The following ENPEP variants were observed in gnomAD, a reference collection of about 807,000 sequenced individuals.
ENPEP encodes the protein AP-A.
Under a neutral mutation model 114.5 loss-of-function variants are expected in ENPEP, and 103 were observed. The ratio of observed to expected loss-of-function variants is 0.90; its 90% CI spans 0.77 to 1.06. ENPEP has a LOEUF of 1.06. Among genes scored for constraint, ENPEP ranks in the 50% least tolerant of loss-of-function variants. The probability of loss-of-function intolerance (pLI) is 0.00; values close to 1 mark genes in which losing one functional copy is unlikely to be tolerated. For missense variants in ENPEP, 1,196 were observed against 1,161.3 expected (o/e 1.03, Z -0.43); for synonymous variants, 420 against 422.0 (o/e 1.00, Z 0.06).
Position 110,488,742 on chromosome 4 carries a change from T to C in ENPEP, c.786+60T>C, listed in dbSNP as rs1578391551. The C allele has an allele frequency of 7.8e-6, 12 of 1,537,028 alleles. No homozygotes were observed. The East Asian group carries it at 2.7e-4, about 35-fold the overall frequency. ...AGTCTGTTGACAACATTAGGCCAGT[T>C]ACCTGATTTTCTGTGAAAGAGAACC... is the stretch of plus-strand genomic sequence containing the variant. On this transcript the variant is annotated intron_variant, in intron 2 of 19. Coordinates refer to ENST00000265162, the MANE Select transcript of ENPEP (RefSeq NM_001977.4).
intron 12 of ENPEP, 37 bp from the exon 13 acceptor site, chr4:110,542,978 G>A: frequency 6.2e-7 from 1 of 1,611,722 alleles, no homozygotes; most frequent in Non-Finnish European, 8.5e-7. Context: ...TTTGCCTTAA[G>A]AATTGTGTTT....
At chr4:110,497,600 T>C (rs1013944352) in intron 3 of ENPEP, among the ~76,000 whole-genome samples, 8 of 152,194 alleles carry the variant, frequency 5.3e-5, no homozygotes, top group African/African-American at 1.9e-4. Flanking sequence ...AATAAATGCT[T>C]TGTGTAACCT....
Position 110,561,658 on chromosome 4 carries a change from CA to C in ENPEP, c.*101del. On this transcript the variant is annotated 3_prime_UTR_variant, in exon 20 of 20. Coordinates refer to ENST00000265162, the MANE Select transcript of ENPEP (RefSeq NM_001977.4). ...AGCACGATGGAGAGAGCCTTATAAA[CA>C]GATAATGCTTTTACTAAGCACTGTG... The C allele has an allele frequency of 8.9e-7, 1 of 1,127,482 alleles. No individual in the cohort carries two copies. Among genetic ancestry groups the C allele is most frequent in the Non-Finnish European group, 1.3e-6 (1 of 797,502 alleles). 69.8% of individuals were successfully genotyped at this position (1,127,482 alleles called of 1,614,324 possible). A position where few individuals can be genotyped will look rare whatever the true frequency, so the allele number is the denominator to read the frequency against.
Position 110,476,599 on chromosome 4 carries a change from C to G in ENPEP, c.185C>G (p.Ser62Cys), listed in dbSNP as rs751822408. 2 of 1,614,182 alleles carry G rather than the reference C, an allele frequency of 1.2e-6. No individual in the cohort carries two copies. Among genetic ancestry groups the G allele is most frequent in the African/African-American group, 1.3e-5 (1 of 75,070 alleles). ...GCGCCAGCTCCTTCCCACCTGCCTTCTTCCACGGCCAGCCCCTCAGGTCCT... is the reference window on the plus strand; with the variant it reads ...GCGCCAGCTCCTTCCCACCTGCCTTGTTCCACGGCCAGCCCCTCAGGTCCT... ...GTAPAPSHLP[S>C]STASPSGPPA... The change falls in exon 1 of 20, where the codon TCT (serine) becomes TGT (cysteine). Residue 62 changes from serine (S) to cysteine (C), a missense_variant. Coordinates refer to ENST00000265162, the MANE Select transcript of ENPEP (RefSeq NM_001977.4).
chr4:110,561,379 T>G (rs1378936120), intron 19 of ENPEP, 27 bp from the exon 20 acceptor site: 4 of 1,608,478 alleles, frequency 2.5e-6, no homozygotes, highest in Non-Finnish European at 3.4e-6. Flanking sequence ...TAAATGACAA[T>G]CCTAATTACT....
chr4:110,549,311 A>C, intron 14 of ENPEP, 35 bp from the exon 15 acceptor site: 1 of 1,541,670 alleles, frequency 6.5e-7, no homozygotes, highest in Non-Finnish European at 9.0e-7. Context: ...TATGTAGTAA[A>C]TTGTTACTTA....
intron 11 of ENPEP, among the ~76,000 whole-genome samples, chr4:110,536,816 C>T (rs1230344860): frequency 6.6e-6 from 1 of 152,036 alleles, no homozygotes; most frequent in Non-Finnish European, 1.5e-5. Context: ...TTCCAGTTTC[C>T]TATTCATTGC....
At chr4:110,481,038 T>C (rs1354018850) in intron 1 of ENPEP, among the ~76,000 whole-genome samples, 1 of 152,180 alleles carries the variant, frequency 6.6e-6, no homozygotes, top group Non-Finnish European at 1.5e-5. Context: ...TATTTTCTTC[T>C]CTCCAAGATT....
intron 18 of ENPEP, 154 bp downstream of exon 18, chr4:110,553,609 G>A: frequency 1.6e-6 from 1 of 643,786 alleles, no homozygotes; most frequent in South Asian, 5.5e-5. Flanking sequence ...TTCCAGGGAA[G>A]CAATGTACTA....
rs188413742 is a variant in ENPEP at position 110,488,850 on chromosome 4, T to C, written c.786+168T>C. 1.4e-3 allele frequency among the ~76,000 whole-genome samples: 210 copies of C among 152,326 alleles called. 1 individual carries two copies. Among genetic ancestry groups the C allele is most frequent in the African/African-American group, 4.7e-3 (195 of 41,558 alleles). Reference sequence around the variant, plus strand: ...TTTGGCAATCTTTTTCTTTGAGTCCTAGAAGTCTGTAAGGTATCACAGTCC... The same window carrying C: ...TTTGGCAATCTTTTTCTTTGAGTCCCAGAAGTCTGTAAGGTATCACAGTCC... On this transcript the variant is annotated intron_variant, in intron 2 of 19. Coordinates refer to ENST00000265162, the MANE Select transcript of ENPEP (RefSeq NM_001977.4).
intron 10 of ENPEP, among the ~76,000 whole-genome samples, chr4:110,527,460 T>C (rs747638641): frequency 9.9e-5 from 15 of 152,158 alleles, no homozygotes; most frequent in Non-Finnish European, 1.9e-4. Flanking sequence ...GTCTGTATAC[T>C]CCCTGAACTC....
In ENPEP at chr4:110,502,340, G is replaced by T. The variant is rs565418830; in HGVS notation, c.919-4297G>T. 6.6e-5 allele frequency among the ~76,000 whole-genome samples: 10 copies of T among 152,278 alleles called. 1 individual carries two copies. The South Asian group carries it at 2.1e-3, about 32-fold the overall frequency. On this transcript the variant is annotated intron_variant, in intron 3 of 19. Transcript: ENST00000265162. The stretch of plus-strand genomic sequence containing the variant: ...CAGTTTCTTTTGGCATCTTTGTCAT[G>T]AAATCTTTGCCAGGTCCTATGTCTG...
At chr4:110,501,588 T>C (rs1725159002) in intron 3 of ENPEP, among the ~76,000 whole-genome samples, 1 of 152,234 alleles carries the variant, frequency 6.6e-6, no homozygotes, top group African/African-American at 2.4e-5. Flanking sequence ...TCCAGCTTTA[T>C]CCATGATGCT....
intron 11 of ENPEP, among the ~76,000 whole-genome samples, chr4:110,536,107 CAAAAAAAAAAAAA>C (rs34765143): frequency 1.6e-5 from 1 of 63,106 alleles, no homozygotes; most frequent in Admixed American, 2.2e-4. Flanking sequence ...AACTCTGTCT[CAAAAAAAAAAAAA>C]AAAAAAAAAA....
In ENPEP at chr4:110,520,228, C is replaced by G. The variant is rs1725933775; in HGVS notation, c.1589C>G (p.Pro530Arg). 2 of 1,613,468 alleles carry G rather than the reference C, an allele frequency of 1.2e-6. No homozygotes were observed. Among genetic ancestry groups the G allele is most frequent in the Admixed American group, 1.7e-5 (1 of 59,974 alleles). Residue 530 changes from proline (P) to arginine (R), a missense_variant, in exon 10 of 20, where the codon CCA becomes CGA. Transcript: ENST00000265162. Reference protein sequence around the residue: ...WAALEEASRLPVKEVMDTWTR... With the variant: ...WAALEEASRLRVKEVMDTWTR... ...TTTCAATCTTAGGCAAGTAGGCTAC[C>G]AGTGAAAGAAGTAATGGACACCTGG... is the stretch of plus-strand genomic sequence containing the variant.
chr4:110,506,783 A>G, intron 4 of ENPEP, 26 bp downstream of exon 4: 1 of 1,441,646 alleles, frequency 6.9e-7, no homozygotes, highest in Non-Finnish European at 9.5e-7. Flanking sequence ...TAATTTTCTT[A>G]TTTTTAATAT....
Position 110,565,065 on chromosome 4 carries a change from A to G in ENPEP, c.*3507A>G, listed in dbSNP as rs1007516663. ...AAACACCAAACTAATATACTCCTCT[A>G]CCATAGTAATTTATTTCTTGTTCTT... On this transcript the variant is annotated 3_prime_UTR_variant, in exon 20 of 20. Coordinates refer to ENST00000265162, the MANE Select transcript of ENPEP (RefSeq NM_001977.4). The G allele has an allele frequency of 3.3e-5, 5 of 152,118 alleles. No individual in the cohort carries two copies. Among genetic ancestry groups the G allele is most frequent in the Non-Finnish European group, 7.4e-5 (5 of 68,022 alleles). The allele number at this position is 152,118 out of a possible 1,614,324, so 9.4% of individuals were successfully genotyped here.
At position 110,553,304 on chromosome 4, in the gene ENPEP, G is replaced by T. The variant is rs771087077; in HGVS notation, c.2502-11G>T. ...TCACTTTGAATTGTTTTTCTGTTTG[G>T]CTTCTCTTAGGTATTTGGATTTGCT... On this transcript the variant is annotated splice_polypyrimidine_tract_variant and intron_variant, in intron 17 of 19. Coordinates refer to ENST00000265162, the MANE Select transcript of ENPEP (RefSeq NM_001977.4). 1 of 1,548,536 alleles carries T rather than the reference G, an allele frequency of 6.5e-7. No homozygotes were observed. The highest frequency in any genetic ancestry group is 8.8e-7 in the Non-Finnish European group (1 of 1,138,410).
rs1426540640 is a variant in ENPEP at position 110,564,781 on chromosome 4, T to C, written c.*3223T>C. 1.3e-5 allele frequency: 2 copies of C among 152,304 alleles called. No individual in the cohort carries two copies. The highest frequency in any genetic ancestry group is 2.9e-5 in the Non-Finnish European group (2 of 68,016). The allele number at this position is 152,304 out of a possible 1,614,324, so 9.4% of individuals were successfully genotyped here. On this transcript the variant is annotated 3_prime_UTR_variant, in exon 20 of 20. Coordinates refer to ENST00000265162, the MANE Select transcript of ENPEP (RefSeq NM_001977.4). ...GGCCAGTGAAACAGAGTGAAAATGA[T>C]GTATGTCAATTTTAGGCAGAAACGT...
Sources: allele counts gnomAD v4.1 joint callset (sites outside exome capture counted in the v4.1 genomes callset), GRCh38; gene constraint gnomAD v4.1.1; transcripts MANE v1.5; gene names NCBI Gene and HGNC (gene_info 2026-07-23, HGNC 2026-07-21).